The following ZNF862 variants were observed in gnomAD, a reference collection of about 807,000 sequenced individuals.
ZNF862 encodes the protein zinc finger protein 862.
In ZNF862, 64 loss-of-function variants were observed where a neutral mutation model predicts 91.1. That is an observed-to-expected ratio of 0.70 (90% CI 0.57 to 0.87). The LOEUF is 0.87. Among genes scored for constraint, ZNF862 ranks in the 40% least tolerant of loss-of-function variants. The pLI is 0.00. For synonymous variants in ZNF862, 631 were observed against 618.1 expected (o/e 1.02, Z -0.31); for missense variants, 1,459 against 1,528.0 (o/e 0.95, Z 0.75).
At position 149,845,363 on chromosome 7, in the gene ZNF862, T is replaced by C. The variant is rs115722800; in HGVS notation, c.136+627T>C. On this transcript the variant is annotated intron_variant, in intron 2 of 7. Transcript: ENST00000223210. Reference sequence around the variant, plus strand: ...CATGTGTGTACACATATGCACTGTTTGCTGATTGCAAGTTGATGACTGTCT... The same window carrying C: ...CATGTGTGTACACATATGCACTGTTCGCTGATTGCAAGTTGATGACTGTCT... Among the ~76,000 whole-genome samples the C allele has an allele frequency of 5.0e-3, 766 of 152,362 alleles. 12 individuals are homozygous for C. Among genetic ancestry groups the C allele is most frequent in the African/African-American group, 0.018 (729 of 41,582 alleles).
chr7:149,842,488 C>T (rs1318826175), intron 1 of ZNF862, among the ~76,000 whole-genome samples: 2 of 152,218 alleles, frequency 1.3e-5, no homozygotes, highest in Non-Finnish European at 2.9e-5. Flanking sequence ...CTTTACATTG[C>T]AGTCACCTGG....
chr7:149,861,830 G>A lies in ZNF862; in HGVS notation c.2670G>A (p.Glu890=). 4 of 1,613,744 alleles carry A rather than the reference G, an allele frequency of 2.5e-6. No homozygotes were observed. The highest frequency in any genetic ancestry group is 3.4e-6 in the Non-Finnish European group (4 of 1,179,892). The change falls in exon 7 of 8, where the codon GAG becomes GAA. Residue 890 remains glutamate, a synonymous_variant. Coordinates refer to ENST00000223210, the MANE Select transcript of ZNF862 (RefSeq NM_001099220.3). The surrounding 1 kb of genome is among the most constrained non-coding windows in gnomAD (Gnocchi z 6.7). ...ESLRHQAGPK[E]EEFNASFKDG... is the part of the protein sequence containing the mutation. ...TCCGTCACCAGGCAGGGCCCAAAGA[G>A]GAAGAATTCAACGCCAGCTTCAAGG...
At chr7:149,845,944 A>G (rs770728341) in intron 2 of ZNF862, among the ~76,000 whole-genome samples, 1 of 151,862 alleles carries the variant, frequency 6.6e-6, no homozygotes, top group South Asian at 2.1e-4. Flanking sequence ...CTAGTCTCCT[A>G]TTCTATTAGG....
chr7:149,861,500 C>T lies in ZNF862; in HGVS notation c.2340C>T (p.Arg780=), dbSNP rs1384093132. 6 of 1,611,632 alleles carry T rather than the reference C, an allele frequency of 3.7e-6. No individual in the cohort carries two copies. The highest frequency in any genetic ancestry group is 1.7e-5 in the Admixed American group (1 of 59,702). Residue 780 remains arginine, a synonymous_variant, in exon 7 of 8, where the codon CGC becomes CGT. Coordinates refer to ENST00000223210, the MANE Select transcript of ZNF862 (RefSeq NM_001099220.3). The surrounding 1 kb of genome is among the most constrained non-coding windows in gnomAD (Gnocchi z 6.7). ...GAAPLEQEII[R]LKDLNAVRWV... is the part of the protein sequence containing the mutation. ...CGCCTCTGGAGCAGGAGATCATCCGCCTGAAGGATCTGAATGCGGTCCGCT... is the reference window on the plus strand; with the variant it reads ...CGCCTCTGGAGCAGGAGATCATCCGTCTGAAGGATCTGAATGCGGTCCGCT...
Position 149,864,318 on chromosome 7 carries a change from G to T in ZNF862, c.*34G>T. Reference sequence around the variant, plus strand: ...GAGTCCTTGGGACTGCCTTGGAGACGCCTCTGTGATCACTGGGACAGGCTC... The same window carrying T: ...GAGTCCTTGGGACTGCCTTGGAGACTCCTCTGTGATCACTGGGACAGGCTC... On this transcript the variant is annotated 3_prime_UTR_variant, in exon 8 of 8. Transcript: ENST00000223210. 6.4e-7 allele frequency: 1 copy of T among 1,558,546 alleles called. No homozygotes were observed. Among genetic ancestry groups the T allele is most frequent in the East Asian group, 2.4e-5 (1 of 42,342 alleles).
In ZNF862 at chr7:149,850,082, G is replaced by T; in HGVS notation, c.940-79G>T. ...TGGTGAGCTTCCCAGGAGAAATAGG[G>T]CTTCCAAAGGCCCCAGAAGTGTCAC... On this transcript the variant is annotated intron_variant, in intron 4 of 7. Transcript: ENST00000223210. This position sits in a 1 kb window ranked among gnomAD's most constrained non-coding sequence, Gnocchi z 4.2. The T allele has an allele frequency of 3.4e-6, 5 of 1,468,402 alleles. No homozygotes were observed. The allele number at this position is 1,468,402 out of a possible 1,614,324, so 91.0% of individuals were successfully genotyped here. A position where few individuals can be genotyped will look rare whatever the true frequency, so the allele number is the denominator to read the frequency against.
In ZNF862 at chr7:149,855,821, T is replaced by A. The variant is rs1014338429; in HGVS notation, c.1118-3601T>A. Among the ~76,000 whole-genome samples the A allele has an allele frequency of 2.6e-5, 4 of 152,146 alleles. No individual in the cohort carries two copies. Among genetic ancestry groups the A allele is most frequent in the Non-Finnish European group, 4.4e-5 (3 of 68,020 alleles). ...ATAGAAGCACTTCCAGACCCTGTGC[T>A]CTCCCAGACCTGGGATTGTAGGCCT... On this transcript the variant is annotated intron_variant, in intron 5 of 7. Transcript: ENST00000223210. This position sits in a 1 kb window ranked among gnomAD's most constrained non-coding sequence, Gnocchi z 4.1.
At chr7:149,847,001 C>T (rs1586045672) in intron 3 of ZNF862, among the ~76,000 whole-genome samples, 1 of 152,212 alleles carries the variant, frequency 6.6e-6, no homozygotes, top group South Asian at 2.1e-4. Context: ...AAAAATGTTG[C>T]GTCCTCAGCC....
rs368754892 is a variant in ZNF862, at chr7:149,859,430, G to T, written c.1126G>T (p.Ala376Ser). 1.3e-6 allele frequency: 2 copies of T among 1,577,892 alleles called. No homozygotes were observed. The highest frequency in any genetic ancestry group is 1.7e-6 in the Non-Finnish European group (2 of 1,161,136). The stretch of plus-strand genomic sequence containing the variant: ...CTTCATCCTTACAACAGGACCTGCC[G>T]CTGCCAAGCCAGACTTGATCTCCAA... ...YELLASLGPA[A>S]AKPDLISKLE... Residue 376 changes from alanine to serine, a missense_variant, in exon 6 of 8, where the codon GCT becomes TCT. Physicochemically the swap from Ala to Ser is moderately conservative, Grantham distance 99. Transcript: ENST00000223210.
In ZNF862 at chr7:149,866,753, T is replaced by C. The variant is rs1318246060; in HGVS notation, c.*2469T>C. The C allele has an allele frequency of 1.3e-5, 2 of 152,234 alleles. No homozygotes were observed. The highest frequency in any genetic ancestry group is 4.8e-5 in the African/African-American group (2 of 41,444). 9.4% of individuals were successfully genotyped at this position (152,234 alleles called of 1,614,324 possible). Reference sequence around the variant, plus strand: ...TGCTCCGTTCCCCTTTGTCAGCCAATGGCCAAGAAGGAAGAAGATGACTGC... The same window carrying C: ...TGCTCCGTTCCCCTTTGTCAGCCAACGGCCAAGAAGGAAGAAGATGACTGC... On this transcript the variant is annotated 3_prime_UTR_variant, in exon 8 of 8. Transcript: ENST00000223210.
chr7:149,839,694 G>C (rs1801633780), intron 1 of ZNF862, among the ~76,000 whole-genome samples: 1 of 152,126 alleles, frequency 6.6e-6, no homozygotes, highest in Non-Finnish European at 1.5e-5. Context: ...TCTCGCATGA[G>C]CATCTCTTCC....
intron 3 of ZNF862, among the ~76,000 whole-genome samples, chr7:149,846,791 A>G (rs973311647): frequency 3.3e-5 from 5 of 152,262 alleles, no homozygotes; most frequent in African/African-American, 1.2e-4. Flanking sequence ...ATCCTGTATG[A>G]ATCAAATCAC....
intron 5 of ZNF862, among the ~76,000 whole-genome samples, chr7:149,854,630 A>G (rs1163434634): frequency 1.3e-5 from 2 of 152,124 alleles, no homozygotes; most frequent in Admixed American, 1.3e-4. Context: ...CTTAGCCCAA[A>G]CCAAGGGGCC....
At position 149,860,818 on chromosome 7, in the gene ZNF862, C is replaced by T; in HGVS notation, c.1658C>T (p.Ala553Val). Reference protein sequence around the residue: ...LVPEISSDLMANMEHFFNAAY... With the variant: ...LVPEISSDLMVNMEHFFNAAY... Reference sequence around the variant, plus strand: ...CCAGAGATCTCCAGCGACCTCATGGCCAACATGGAGCACTTTTTCAATGCC... The same window carrying T: ...CCAGAGATCTCCAGCGACCTCATGGTCAACATGGAGCACTTTTTCAATGCC... The change falls in exon 7 of 8, where the codon GCC becomes GTC. Residue 553 changes from alanine to valine, a missense_variant. By Grantham distance (64) the Ala-to-Val change is moderately conservative. Coordinates refer to ENST00000223210, the MANE Select transcript of ZNF862 (RefSeq NM_001099220.3). 1 of 1,613,782 alleles carries T rather than the reference C, an allele frequency of 6.2e-7. No individual in the cohort carries two copies. The highest frequency in any genetic ancestry group is 8.5e-7 in the Non-Finnish European group (1 of 1,179,878).
At position 149,850,423 on chromosome 7, in the gene ZNF862, C is replaced by A; in HGVS notation, c.1117+85C>A. Reference sequence around the variant, plus strand: ...GGAGCTGTGGCTTGTGGTTATCTTCCCATTCCTGCCCCCTCCCTGTGTGTA... The same window carrying A: ...GGAGCTGTGGCTTGTGGTTATCTTCACATTCCTGCCCCCTCCCTGTGTGTA... On this transcript the variant is annotated intron_variant, in intron 5 of 7. Coordinates refer to ENST00000223210, the MANE Select transcript of ZNF862 (RefSeq NM_001099220.3). This position sits in a 1 kb window ranked among gnomAD's most constrained non-coding sequence, Gnocchi z 4.2. 7.3e-7 allele frequency: 1 copy of A among 1,374,764 alleles called. No homozygotes were observed. The highest frequency in any genetic ancestry group is 9.9e-7 in the Non-Finnish European group (1 of 1,015,126). 85.2% of individuals were successfully genotyped at this position (1,374,764 alleles called of 1,614,324 possible). A position where few individuals can be genotyped will look rare whatever the true frequency, so the allele number is the denominator to read the frequency against.
chr7:149,859,004 C>T lies in ZNF862; in HGVS notation c.1118-418C>T, dbSNP rs866706510. Reference sequence around the variant, plus strand: ...CCAGCTGTGGGGGCAGAGGGGCACACGCGTGGGCCAGCTGTGGGGGCAGAG... The same window carrying T: ...CCAGCTGTGGGGGCAGAGGGGCACATGCGTGGGCCAGCTGTGGGGGCAGAG... On this transcript the variant is annotated intron_variant, in intron 5 of 7. Transcript: ENST00000223210. The T allele has an allele frequency of 3.5e-4, 66 of 186,758 alleles. 2 individuals carry two copies. The highest frequency in any genetic ancestry group is 7.9e-4 in the East Asian group (4 of 5,046). The allele number at this position is 186,758 out of a possible 1,614,324, so 11.6% of individuals were successfully genotyped here.
In ZNF862 at chr7:149,859,424, C is replaced by T. The variant is rs946773889; in HGVS notation, c.1120C>T (p.Pro374Ser). ...MNYELLASLG[P>S]AAAKPDLISK... ...ATGATTCTTCATCCTTACAACAGGACCTGCCGCTGCCAAGCCAGACTTGAT... is the reference window on the plus strand; with the variant it reads ...ATGATTCTTCATCCTTACAACAGGATCTGCCGCTGCCAAGCCAGACTTGAT... Residue 374 changes from proline to serine, a missense_variant and splice_region_variant, in exon 6 of 8, where the codon CCT becomes TCT. By Grantham distance (74) the Pro-to-Ser change is moderately conservative. Coordinates refer to ENST00000223210, the MANE Select transcript of ZNF862 (RefSeq NM_001099220.3). The T allele has an allele frequency of 3.8e-6, 6 of 1,572,580 alleles. No individual in the cohort carries two copies. In the African/African-American group the frequency reaches 6.8e-5, roughly 18 times the overall value.
At chr7:149,841,488 T>G (rs1348397718) in intron 1 of ZNF862, 1 of 980,286 alleles carries the variant, frequency 1.0e-6, no homozygotes, top group Non-Finnish European at 1.2e-6. Flanking sequence ...TATTTACGTA[T>G]TTGTTGACTT....
Position 149,860,894 on chromosome 7 carries a change from C to G in ZNF862, c.1734C>G (p.Ile578Met). Residue 578 changes from isoleucine to methionine, a missense_variant, in exon 7 of 8, where the codon ATC becomes ATG. Transcript: ENST00000223210. ...GGCCCCTGAATGACTTTGAGAAGAT[C>G]CTGCAGCTCCTCCAAAGCACGGGGA... ...HSRPLNDFEK[I>M]LQLLQSTGTV... 6.2e-7 allele frequency: 1 copy of G among 1,613,788 alleles called. No homozygotes were observed. The highest frequency in any genetic ancestry group is 8.5e-7 in the Non-Finnish European group (1 of 1,179,884).
Sources: gnomAD v4.1 joint callset for allele counts (sites outside exome capture counted in the v4.1 genomes callset) on GRCh38, gnomAD v4.1.1 for gene constraint, Gnocchi (gnomAD v3.1) non-coding constraint, MANE v1.5 for transcripts, NCBI Gene and HGNC (gene_info 2026-07-23, HGNC 2026-07-21) for gene names.